Variants in MS4A4A observed in about 807,000 individuals in gnomAD.
The protein encoded by MS4A4A is membrane-spanning 4-domains subfamily A member 4A.
MS4A4A carries 26 observed loss-of-function variants against 28.0 expected under a neutral mutation model. The observed-to-expected ratio is 0.93, with a 90% CI of 0.68 to 1.29. The LOEUF (loss-of-function observed/expected upper bound fraction) is 1.29, where lower values mean the gene tolerates loss of function less well. Among genes scored for constraint, MS4A4A ranks in the 50% most tolerant of loss-of-function variants. MS4A4A has a pLI of 0.00. For missense variants in MS4A4A, 290 were observed against 293.1 expected (o/e 0.99, Z 0.08); for synonymous variants, 86 against 100.8 (o/e 0.85, Z 0.88).
At chr11:60,304,580 C>T (rs1273229608) in intron 5 of MS4A4A, among the ~76,000 whole-genome samples, 1 of 152,180 alleles carries the variant, frequency 6.6e-6, no homozygotes, top group East Asian at 1.9e-4. Context: ...ACAATCAGTC[C>T]ACAGGTCTAT....
At chr11:60,302,770 T>C in intron 5 of MS4A4A, 53 bp downstream of exon 5, 1 of 1,532,108 alleles carries the variant, frequency 6.5e-7, no homozygotes, top group Non-Finnish European at 9.0e-7. Context: ...GTTTGGGGAG[T>C]GCTGGCTCTG....
rs1326452537 is a variant in MS4A4A at position 60,281,137 on chromosome 11, A to G, written c.41+421A>G. ...TAACTCAGGATTTAAGAACAGATGT[A>G]TCACATGCAGAATTTGGTGTACATG... On this transcript the variant is annotated intron_variant, in intron 1 of 6. Transcript: ENST00000337908. Among the ~76,000 whole-genome samples the G allele has an allele frequency of 4.6e-5, 7 of 152,172 alleles. No homozygotes were observed. In the South Asian group the frequency reaches 1.4e-3, roughly 31 times the overall value.
intron 2 of MS4A4A, among the ~76,000 whole-genome samples, chr11:60,294,910 T>A (rs750865855): frequency 0.24 from 34,050 of 138,996 alleles, 4,725 homozygotes; most frequent in Non-Finnish European, 0.29. Context: ...TTCTTCTTCT[T>A]CTTCTTCTTC....
chr11:60,290,127 ATG>A (rs1341161398), intron 1 of MS4A4A: 1 of 442,852 alleles, frequency 2.3e-6, no homozygotes, highest in Non-Finnish European at 4.6e-6. Context: ...CCTTCTAAAT[ATG>A]TGTCTTTTTG....
At chr11:60,295,488 T>C (rs1008362499) in intron 2 of MS4A4A, among the ~76,000 whole-genome samples, 1 of 152,128 alleles carries the variant, frequency 6.6e-6, no homozygotes, top group African/African-American at 2.4e-5. Flanking sequence ...TATTTCCTTT[T>C]CTTGTCTTAC....
At chr11:60,283,974 C>T (rs1037049325) in intron 1 of MS4A4A, among the ~76,000 whole-genome samples, 1 of 152,238 alleles carries the variant, frequency 6.6e-6, no homozygotes, top group South Asian at 2.1e-4. Flanking sequence ...TGTTATCTAA[C>T]TTATTCCAAA....
chr11:60,284,464 G>GA (rs1431009000), intron 1 of MS4A4A, among the ~76,000 whole-genome samples: 1 of 152,190 alleles, frequency 6.6e-6, no homozygotes, highest in African/African-American at 2.4e-5. Flanking sequence ...GGGGAAAATA[G>GA]AAAAGCAGAT....
chr11:60,304,809 G>A (rs142831667), intron 5 of MS4A4A, among the ~76,000 whole-genome samples: 2,500 of 152,278 alleles, frequency 0.016, 82 homozygotes, highest in Non-Finnish European at 0.015. Flanking sequence ...AAAGCTTGCC[G>A]TCTTCTAGTC....
chr11:60,295,658 C>A (rs1201341565), intron 2 of MS4A4A, among the ~76,000 whole-genome samples: 2 of 152,002 alleles, frequency 1.3e-5, no homozygotes, highest in East Asian at 3.8e-4. Context: ...TGAAGAAGTT[C>A]TCCTCTATTA....
At chr11:60,296,925 A>T in intron 2 of MS4A4A, 1 of 372,172 alleles carries the variant, frequency 2.7e-6, no homozygotes, top group Non-Finnish European at 5.0e-6. Flanking sequence ...TAGAAGTAAC[A>T]TCGTAGGTAT....
chr11:60,293,496 A>G (rs866915037), intron 2 of MS4A4A, among the ~76,000 whole-genome samples: 1 of 152,206 alleles, frequency 6.6e-6, no homozygotes, highest in Non-Finnish European at 1.5e-5. Flanking sequence ...TAACCTTTGT[A>G]CCAATTGATG....
chr11:60,288,344 G>A (rs915833694), intron 1 of MS4A4A, among the ~76,000 whole-genome samples: 3 of 152,226 alleles, frequency 2.0e-5, no homozygotes, highest in Admixed American at 1.3e-4. Flanking sequence ...TGGAGCTGGG[G>A]TCTTAGGCTC....
rs563121189 is a variant in MS4A4A, at chr11:60,296,237, G to C, written c.202-960G>C. On this transcript the variant is annotated intron_variant, in intron 2 of 6. Coordinates refer to ENST00000337908, the MANE Select transcript of MS4A4A (RefSeq NM_148975.3). ...TTAAGGAGTTATCCATTTTATCAAG[G>C]CTATCAAACTGTGGGCGTAGAATTG... is the stretch of plus-strand genomic sequence containing the variant. Among the ~76,000 whole-genome samples the C allele has an allele frequency of 3.3e-5, 5 of 151,976 alleles. No individual in the cohort carries two copies. The South Asian group carries it at 1.0e-3, about 32-fold the overall frequency.
intron 5 of MS4A4A, among the ~76,000 whole-genome samples, chr11:60,304,380 T>A (rs1428463783): frequency 1.3e-5 from 2 of 152,206 alleles, no homozygotes; most frequent in Non-Finnish European, 2.9e-5. Context: ...AAATTGTTTT[T>A]AAAAATTTTA....
intron 2 of MS4A4A, among the ~76,000 whole-genome samples, chr11:60,295,539 G>A (rs2084898679): frequency 6.6e-6 from 1 of 152,096 alleles, no homozygotes; most frequent in Admixed American, 6.5e-5. Context: ...GAAAGGAGTA[G>A]TGACAGGGCT....
intron 5 of MS4A4A, among the ~76,000 whole-genome samples, chr11:60,304,465 C>T (rs1467545292): frequency 6.6e-6 from 1 of 152,162 alleles, no homozygotes; most frequent in Non-Finnish European, 1.5e-5. Flanking sequence ...TGATGAATTC[C>T]TGTTAATTGT....
Position 60,308,416 on chromosome 11 carries a change from A to G in MS4A4A, c.*238A>G. 1 of 421,890 alleles carries G rather than the reference A, an allele frequency of 2.4e-6. No individual in the cohort carries two copies. The highest frequency in any genetic ancestry group is 4.2e-6 in the Non-Finnish European group (1 of 239,716). The allele number at this position is 421,890 out of a possible 1,614,324, so 26.1% of individuals were successfully genotyped here. On this transcript the variant is annotated 3_prime_UTR_variant, in exon 7 of 7. Coordinates refer to ENST00000337908, the MANE Select transcript of MS4A4A (RefSeq NM_148975.3). The stretch of plus-strand genomic sequence containing the variant: ...ATTTCACTGGCTCTTTATCGAGAGT[A>G]CTAGAAGTTAAATTAATAAATAATG...
intron 2 of MS4A4A, among the ~76,000 whole-genome samples, chr11:60,295,020 A>T (rs1164556131): frequency 6.6e-6 from 1 of 151,618 alleles, no homozygotes; most frequent in Non-Finnish European, 1.5e-5. Flanking sequence ...ATCAATATAT[A>T]CAAAATAACT....
chr11:60,301,039 TAGA>T lies in MS4A4A; in HGVS notation c.371_373del (p.Arg124del). The stretch of plus-strand genomic sequence containing the variant: ...GATCCTTGTCAATTGCAGCAGGAAT[TAGA>T]ACTACAAAAGGCCTGGTGAGTAATA... On this transcript the variant is annotated inframe_deletion, in exon 4 of 7. Transcript: ENST00000337908. 1 of 1,600,974 alleles carries T rather than the reference TAGA, an allele frequency of 6.2e-7. No homozygotes were observed. Among genetic ancestry groups the T allele is most frequent in the Non-Finnish European group, 8.5e-7 (1 of 1,175,784 alleles).
Sources: gnomAD v4.1 joint callset for allele counts (sites outside exome capture counted in the v4.1 genomes callset) on GRCh38, gnomAD v4.1.1 for gene constraint, MANE v1.5 for transcripts, NCBI Gene and HGNC (gene_info 2026-07-23, HGNC 2026-07-21) for gene names.